Variants in RNASEH2B observed in about 807,000 individuals in gnomAD.
RNASEH2B encodes the protein Aicardi-Goutieres syndrome 2 protein.
Under a neutral mutation model 45.0 loss-of-function variants are expected in RNASEH2B, and 36 were observed. The observed-to-expected ratio is 0.80, with a 90% CI of 0.61 to 1.06. The LOEUF is 1.06. RNASEH2B is among the 50% of genes least tolerant of loss of function. The pLI, the probability that RNASEH2B is intolerant of heterozygous loss-of-function variation, is 0.00. For synonymous variants in RNASEH2B, 119 were observed against 125.7 expected (o/e 0.95, Z 0.35); for missense variants, 361 against 360.3 (o/e 1.00, Z -0.02).
chr13:50,947,166 A>T (rs1951910216), intron 7 of RNASEH2B, among the ~76,000 whole-genome samples: 1 of 152,180 alleles, frequency 6.6e-6, no homozygotes, highest in Non-Finnish European at 1.5e-5. Context: ...CCACGTGGTT[A>T]TCCCATCTTA....
chr13:50,954,143 G>T, intron 10 of RNASEH2B, 158 bp downstream of exon 10: 1 of 681,224 alleles, frequency 1.5e-6, no homozygotes, highest in South Asian at 1.6e-5. Context: ...AATTGCATAT[G>T]ACAATGAAAA....
At chr13:50,968,096 TC>T (rs1952183160) in intron 9 of RNASEH2B, among the ~76,000 whole-genome samples, 2 of 152,298 alleles carry the variant, frequency 1.3e-5, no homozygotes, top group African/African-American at 4.8e-5. Context: ...TTTTTACAGT[TC>T]TCACAGCAAT....
chr13:50,954,348 C>T, intron 10 of RNASEH2B: 1 of 441,504 alleles, frequency 2.3e-6, no homozygotes, highest in East Asian at 3.8e-5. Context: ...TTTCACCATT[C>T]AGCATTCACC....
chr13:50,924,039 A>G (rs1217381309), intron 1 of RNASEH2B, among the ~76,000 whole-genome samples: 1 of 152,222 alleles, frequency 6.6e-6, no homozygotes, highest in East Asian at 1.9e-4. Flanking sequence ...AAATAAAAGA[A>G]ACAACAAGGT....
intron 9 of RNASEH2B, among the ~76,000 whole-genome samples, chr13:50,969,522 C>A (rs199974851): frequency 0.013 from 1,303 of 99,086 alleles, no homozygotes; most frequent in South Asian, 0.016. Context: ...ACTGCCTCTA[C>A]AAAAAAAAAA....
intron 1 of RNASEH2B, among the ~76,000 whole-genome samples, chr13:50,925,693 G>A (rs768883170): frequency 2.6e-5 from 4 of 152,096 alleles, no homozygotes; most frequent in African/African-American, 4.8e-5. Context: ...CTGCTCCCTC[G>A]AATCTGTTTA....
intron 9 of RNASEH2B, chr13:50,949,874 T>C (rs1951954676): frequency 5.7e-6 from 1 of 175,616 alleles, no homozygotes; most frequent in Non-Finnish European, 1.2e-5. Flanking sequence ...CCAAATCTAA[T>C]TGTCACTGGC....
At chr13:50,918,359 G>A (rs984713867) in intron 1 of RNASEH2B, among the ~76,000 whole-genome samples, 20 of 152,124 alleles carry the variant, frequency 1.3e-4, no homozygotes, top group African/African-American at 4.3e-4. Flanking sequence ...GGATGGTCTC[G>A]ATCTCCTGAC....
At chr13:50,934,802 A>C (rs941780807) in intron 4 of RNASEH2B, 83 bp from the exon 5 acceptor site, 7 of 933,402 alleles carry the variant, frequency 7.5e-6, no homozygotes, top group Middle Eastern at 2.5e-4. Flanking sequence ...AGGCCCAGCC[A>C]TGAGTTAATG....
intron 1 of RNASEH2B, among the ~76,000 whole-genome samples, chr13:50,913,841 G>A (rs1187040730): frequency 6.6e-6 from 1 of 152,188 alleles, no homozygotes; most frequent in Middle Eastern, 3.4e-3. Flanking sequence ...GTGAGGCATC[G>A]TGATAATCAC....
At chr13:50,947,421 G>GTGTGTGTGTGTA (rs1230510546) in intron 7 of RNASEH2B, among the ~76,000 whole-genome samples, 3 of 139,928 alleles carry the variant, frequency 2.1e-5, no homozygotes, top group Non-Finnish European at 3.2e-5. Flanking sequence ...GTGTGTGTGT[G>GTGTGTGTGTGTA]TGTATGTAGA....
chr13:50,927,261 T>C (rs1951610022), intron 1 of RNASEH2B, 146 bp from the exon 2 acceptor site: 1 of 600,100 alleles, frequency 1.7e-6, no homozygotes, highest in Non-Finnish European at 3.0e-6. Context: ...GGTAATTTGC[T>C]CAAGATCACA....
intron 6 of RNASEH2B, among the ~76,000 whole-genome samples, chr13:50,943,608 G>C (rs1283717797): frequency 2.0e-5 from 3 of 152,146 alleles, no homozygotes; most frequent in Non-Finnish European, 4.4e-5. Flanking sequence ...GTTTTCTTGT[G>C]ACCTGCATTC....
chr13:50,934,570 G>A, intron 4 of RNASEH2B: 1 of 387,240 alleles, frequency 2.6e-6, no homozygotes, highest in Non-Finnish European at 4.9e-6. Context: ...CCATCCCCAG[G>A]CAGTCTCCAC....
At chr13:50,925,592 T>C (rs1174834957) in intron 1 of RNASEH2B, among the ~76,000 whole-genome samples, 1 of 152,220 alleles carries the variant, frequency 6.6e-6, no homozygotes, top group Non-Finnish European at 1.5e-5. Context: ...AGGACCCTTT[T>C]GAGTACTATG....
At chr13:50,948,676 C>G (rs1951937684) in intron 8 of RNASEH2B, 1 of 151,486 alleles carries the variant, frequency 6.6e-6, no homozygotes, top group Non-Finnish European at 1.5e-5. Context: ...AAAATCGTTA[C>G]TTAATTTTGT....
chr13:50,965,026 T>C (rs1952150730), intron 9 of RNASEH2B, among the ~76,000 whole-genome samples: 1 of 152,196 alleles, frequency 6.6e-6, no homozygotes, highest in South Asian at 2.1e-4. Context: ...GCTTCACATA[T>C]AGTCATGCCC....
chr13:50,953,865 A>T (rs780778643), intron 9 of RNASEH2B, 40 bp from the exon 10 acceptor site: 2 of 1,344,540 alleles, frequency 1.5e-6, no homozygotes, highest in Non-Finnish European at 1.1e-6. Flanking sequence ...TGTTGTGTCA[A>T]AGTGACATTT....
chr13:50,939,404 C>T (rs749347632), intron 5 of RNASEH2B, among the ~76,000 whole-genome samples: 4 of 151,668 alleles, frequency 2.6e-5, no homozygotes, highest in Non-Finnish European at 4.4e-5. Flanking sequence ...CCTATAGTTC[C>T]AACTATTTGG....
Sources: allele counts gnomAD v4.1 joint callset (sites outside exome capture counted in the v4.1 genomes callset), GRCh38; gene constraint gnomAD v4.1.1; transcripts MANE v1.5; gene names NCBI Gene and HGNC (gene_info 2026-07-23, HGNC 2026-07-21).